SLC22A9: variants seen among roughly 807,000 people sequenced by gnomAD.
SLC22A9 encodes solute carrier family 22 member 9.
A neutral mutation model predicts 50.1 loss-of-function variants in SLC22A9; 64 were observed. The ratio of observed to expected loss-of-function variants is 1.28; its 90% confidence interval spans 1.04 to 1.57. The LOEUF (loss-of-function observed/expected upper bound fraction) is 1.57, where lower values mean the gene tolerates loss of function less well. Ranked by LOEUF, SLC22A9 falls within the 40% of genes most tolerant of loss-of-function variation. The pLI is 0.00. For missense variants in SLC22A9, 757 were observed against 676.1 expected (o/e 1.12, Z -1.33); for synonymous variants, 261 against 242.5 (o/e 1.08, Z -0.71).
intron 9 of SLC22A9, 130 bp from the exon 10 acceptor site, chr11:63,409,672 G>T (rs977446512): frequency 4.7e-6 from 4 of 859,784 alleles, no homozygotes; most frequent in African/African-American, 3.4e-5. Flanking sequence ...TCCCTTGGGG[G>T]CAGAGATATG....
At chr11:63,404,484 C>A (rs375903601) in intron 6 of SLC22A9, among the ~76,000 whole-genome samples, 1 of 152,128 alleles carries the variant, frequency 6.6e-6, no homozygotes, top group African/African-American at 2.4e-5. Context: ...TGGGCTGAGA[C>A]GATGGGGTTT....
In SLC22A9 at chr11:63,403,890, C is replaced by G. The variant is rs143502482; in HGVS notation, c.1074-2607C>G. 5.3e-3 allele frequency among the ~76,000 whole-genome samples: 808 copies of G among 151,634 alleles called. 9 individuals are homozygous for G. The highest frequency in any genetic ancestry group is 0.019 in the African/African-American group (769 of 41,358). On this transcript the variant is annotated intron_variant, in intron 6 of 9. Coordinates refer to ENST00000279178, the MANE Select transcript of SLC22A9 (RefSeq NM_080866.3). ...TCAAAGGATATGGAGAAATTGGAACCCTTGTATATTGTTGGTGGCCATATA... is the reference window on the plus strand; with the variant it reads ...TCAAAGGATATGGAGAAATTGGAACGCTTGTATATTGTTGGTGGCCATATA...
intron 6 of SLC22A9, among the ~76,000 whole-genome samples, chr11:63,397,899 G>C (rs2014887492): frequency 7.6e-6 from 1 of 131,382 alleles, no homozygotes; most frequent in Non-Finnish European, 1.6e-5. Flanking sequence ...TGGTACCTAA[G>C]CTGCAAGACG....
chr11:63,403,802 T>C (rs539924641), intron 6 of SLC22A9, among the ~76,000 whole-genome samples: 3 of 152,086 alleles, frequency 2.0e-5, no homozygotes, highest in African/African-American at 7.2e-5. Context: ...AGGATTATCA[T>C]TATCAAAAAT....
chr11:63,405,630 T>C (rs778692945), intron 6 of SLC22A9, among the ~76,000 whole-genome samples: 1 of 152,178 alleles, frequency 6.6e-6, no homozygotes, highest in Non-Finnish European at 1.5e-5. Flanking sequence ...ATACAATCTG[T>C]CACTCAATAA....
chr11:63,395,259 G>T (rs2014833189), intron 6 of SLC22A9, among the ~76,000 whole-genome samples: 1 of 151,844 alleles, frequency 6.6e-6, no homozygotes, highest in Non-Finnish European at 1.5e-5. Context: ...ATTTCTTCTT[G>T]GTTTGGATCC....
At chr11:63,375,438 G>A (rs910973083) in intron 4 of SLC22A9, among the ~76,000 whole-genome samples, 10 of 152,110 alleles carry the variant, frequency 6.6e-5, no homozygotes, top group Non-Finnish European at 1.3e-4. Flanking sequence ...TTCCAAGTCT[G>A]CATTCCCAAC....
At chr11:63,386,759 T>G (rs1356545724) in intron 6 of SLC22A9, among the ~76,000 whole-genome samples, 2 of 151,828 alleles carry the variant, frequency 1.3e-5, no homozygotes, top group Non-Finnish European at 2.9e-5. Context: ...TTTTATTAAT[T>G]TTTTCAAAAA....
In SLC22A9 at chr11:63,382,262, T is replaced by A; in HGVS notation, c.1058T>A (p.Leu353His). Residue 353 changes from leucine to histidine, a missense_variant, in exon 6 of 10, where the codon CTC becomes CAC. Leu to His is a moderately conservative substitution (Grantham distance 99). Transcript: ENST00000279178. ...CCCAACATATGTAAAAGGATCTCCC[T>A]CCTGTCCTTTACGAGGTAAGCTTCA... Reference protein sequence around the residue: ...HMPNICKRISLLSFTRFANFM... With the variant: ...HMPNICKRISHLSFTRFANFM... 1 of 1,606,582 alleles carries A rather than the reference T, an allele frequency of 6.2e-7. No homozygotes were observed. Among genetic ancestry groups the A allele is most frequent in the Non-Finnish European group, 8.5e-7 (1 of 1,177,466 alleles).
At chr11:63,409,028 G>A in intron 9 of SLC22A9, 149 bp downstream of exon 9, 2 of 807,812 alleles carry the variant, frequency 2.5e-6, no homozygotes, top group Non-Finnish European at 4.1e-6. Flanking sequence ...TCTAGGTACA[G>A]CCACATGCCT....
Position 63,410,020 on chromosome 11 carries a change from C to T in SLC22A9, c.*158C>T. ...CCTTGGGAGGCTGAGGCGGGCAGAT[C>T]ATGAGGTCAGAAGATAAAGACCACC... On this transcript the variant is annotated 3_prime_UTR_variant, in exon 10 of 10. Transcript: ENST00000279178. The T allele has an allele frequency of 3.0e-6, 2 of 667,282 alleles. No individual in the cohort carries two copies. Among genetic ancestry groups the T allele is most frequent in the South Asian group, 3.7e-5 (2 of 53,826 alleles). 41.3% of individuals were successfully genotyped at this position (667,282 alleles called of 1,614,324 possible). A position where few individuals can be genotyped will look rare whatever the true frequency, so the allele number is the denominator to read the frequency against.
At position 63,406,356 on chromosome 11, in the gene SLC22A9, C is replaced by T. The variant is rs754451171; in HGVS notation, c.1074-141C>T. On this transcript the variant is annotated intron_variant, in intron 6 of 9. Transcript: ENST00000279178. ...TCACTTAATAGATTTCTTTAAATCA[C>T]GTTGCAAGAAAATATTCCATGAAAT... The T allele has an allele frequency of 5.3e-5, 36 of 683,422 alleles. 1 individual carries two copies. Among genetic ancestry groups the T allele is most frequent in the Admixed American group, 1.2e-4 (4 of 34,196 alleles). The allele number at this position is 683,422 out of a possible 1,614,324, so 42.3% of individuals were successfully genotyped here.
intron 5 of SLC22A9, among the ~76,000 whole-genome samples, chr11:63,377,848 T>C (rs2014491489): frequency 6.6e-6 from 1 of 151,944 alleles, no homozygotes. Context: ...TAAATGCAAT[T>C]AGAAATGACA....
At chr11:63,395,579 T>A (rs2014838950) in intron 6 of SLC22A9, among the ~76,000 whole-genome samples, 1 of 152,154 alleles carries the variant, frequency 6.6e-6, no homozygotes, top group East Asian at 1.9e-4. Context: ...TGTCTATTGG[T>A]CTCTCGGCCA....
At chr11:63,381,420 GT>G (rs541582366) in intron 5 of SLC22A9, among the ~76,000 whole-genome samples, 1 of 152,080 alleles carries the variant, frequency 6.6e-6, no homozygotes, top group Non-Finnish European at 1.5e-5. Flanking sequence ...ACCTGTCCCA[GT>G]TTTTTTAACA....
intron 6 of SLC22A9, among the ~76,000 whole-genome samples, chr11:63,386,315 A>G (rs2119927416): frequency 6.6e-6 from 1 of 152,126 alleles, no homozygotes; most frequent in African/African-American, 2.4e-5. Context: ...CTGGCCTCAT[A>G]CAATAAATTA....
chr11:63,390,781 G>C (rs1367327499), intron 6 of SLC22A9, among the ~76,000 whole-genome samples: 1 of 152,006 alleles, frequency 6.6e-6, no homozygotes, highest in Non-Finnish European at 1.5e-5. Flanking sequence ...ATTACTTTGG[G>C]CAGTATGGCT....
Position 63,371,171 on chromosome 11 carries a change from G to C in SLC22A9, c.439G>C (p.Val147Leu). 1 of 1,613,386 alleles carries C rather than the reference G, an allele frequency of 6.2e-7. No individual in the cohort carries two copies. The highest frequency in any genetic ancestry group is 1.1e-5 in the South Asian group (1 of 91,044). The change falls in exon 2 of 10, where the codon GTG becomes CTG. Residue 147 changes from valine to leucine, a missense_variant. Physicochemically the swap from Val to Leu is conservative, Grantham distance 32 (BLOSUM62 1). Transcript: ENST00000279178. ...ATGTGACTCTCAATCACTGACTTCAGTGGCTAAATTTGTATTCATGGCTGG... is the reference window on the plus strand; with the variant it reads ...ATGTGACTCTCAATCACTGACTTCACTGGCTAAATTTGTATTCATGGCTGG... ...LVCDSQSLTS[V>L]AKFVFMAGMM... is the part of the protein sequence containing the mutation.
intron 6 of SLC22A9, among the ~76,000 whole-genome samples, chr11:63,393,349 CTT>C (rs2014797377): frequency 6.6e-6 from 1 of 152,126 alleles, no homozygotes; most frequent in African/African-American, 2.4e-5. Context: ...TATCTGGAAA[CTT>C]TGCTGAATTC....
Sources: allele counts gnomAD v4.1 joint callset (sites outside exome capture counted in the v4.1 genomes callset), GRCh38; gene constraint gnomAD v4.1.1; transcripts MANE v1.5; gene names NCBI Gene and HGNC (gene_info 2026-07-23, HGNC 2026-07-21).